The following RYR3 variants were observed in gnomAD, a reference collection of about 807,000 sequenced individuals.
RYR3 encodes brain ryanodine receptor-calcium release channel.
In RYR3, 207 loss-of-function variants were observed where a neutral mutation model predicts 584.3. The observed-to-expected ratio is 0.35, with a 90% CI of 0.32 to 0.40. RYR3 has a LOEUF of 0.40. Among genes scored for constraint, RYR3 ranks in the 10% least tolerant of loss-of-function variants. The pLI is 1.00. For missense variants in RYR3, 5,616 were observed against 6,089.2 expected, an observed-to-expected ratio of 0.92 and a Z score of 2.59; for synonymous variants, 2,416 against 2,248.5, an observed-to-expected ratio of 1.07 and a Z score of -2.11.
At chr15:33,474,052 G>A (rs1304889312) in intron 2 of RYR3, among the ~76,000 whole-genome samples, 1 of 152,202 alleles carries the variant, frequency 6.6e-6, no homozygotes, top group African/African-American at 2.4e-5. Context: ...CGCCTGCATG[G>A]TGGCAATAAT....
rs762086339 is a variant in RYR3 at position 33,696,505 on chromosome 15, G to A, written c.6134+14G>A. The stretch of plus-strand genomic sequence containing the variant: ...CAATGGGCTGGGGTAGGTGATTCAC[G>A]GTTACGTGCTGTTCTCTCTAGGAGC... On this transcript the variant is annotated intron_variant, in intron 39 of 103. Transcript: ENST00000634891. The A allele has an allele frequency of 4.3e-6, 7 of 1,613,242 alleles. No homozygotes were observed. Among genetic ancestry groups the A allele is most frequent in the South Asian group, 2.2e-5 (2 of 90,994 alleles).
At chr15:33,855,455 C>T (rs1234668232) in intron 98 of RYR3, among the ~76,000 whole-genome samples, 4 of 152,228 alleles carry the variant, frequency 2.6e-5, no homozygotes, top group Non-Finnish European at 5.9e-5. Context: ...CCACCCGCCT[C>T]GGCCTCCCGA....
At chr15:33,401,027 T>G (rs1304191288) in intron 1 of RYR3, among the ~76,000 whole-genome samples, 3 of 152,184 alleles carry the variant, frequency 2.0e-5, no homozygotes, top group African/African-American at 7.2e-5. Context: ...AACATATATT[T>G]TCTGGTTACT....
At chr15:33,543,511 C>T (rs2055997729) in intron 7 of RYR3, 111 bp from the exon 8 acceptor site, 1 of 745,186 alleles carries the variant, frequency 1.3e-6, no homozygotes, top group Non-Finnish European at 2.4e-6. Flanking sequence ...ATGTGTCTCT[C>T]TCAGTATTTA....
Position 33,801,723 on chromosome 15 carries a change from A to G in RYR3, c.9919-146A>G. Reference sequence around the variant, plus strand: ...ACATGCCTGACCCCCTCTTCCCATAATGGAATGAATTAGTTTTTCACGTGT... The same window carrying G: ...ACATGCCTGACCCCCTCTTCCCATAGTGGAATGAATTAGTTTTTCACGTGT... On this transcript the variant is annotated intron_variant, in intron 68 of 103. Coordinates refer to ENST00000634891, the MANE Select transcript of RYR3 (RefSeq NM_001036.6). 5.0e-6 allele frequency: 3 copies of G among 603,520 alleles called. No individual in the cohort carries two copies. In the South Asian group the frequency reaches 6.3e-5, roughly 13 times the overall value. The allele number at this position is 603,520 out of a possible 1,614,324, so 37.4% of individuals were successfully genotyped here.
chr15:33,731,526 C>T lies in RYR3; in HGVS notation c.7256C>T (p.Ser2419Phe), dbSNP rs2068952906. ...AALALNRYIC[S>F]AVLPLLTRCA... ...CTTGCACTAAATAGGTATATATGTT[C>T]TGCTGTGCTCCCGCTCCTCACAAGA... The change falls in exon 48 of 104, where the codon TCT (serine) becomes TTT (phenylalanine). Residue 2419 changes from serine to phenylalanine, a missense_variant. By Grantham distance (155) the Ser-to-Phe change is radical. This residue lies in a region of RYR3 where 1,280 missense variants were observed against 1,426.2 expected (regional missense o/e 0.90). Transcript: ENST00000634891. 1.2e-6 allele frequency: 2 copies of T among 1,613,802 alleles called. No homozygotes were observed. The highest frequency in any genetic ancestry group is 2.2e-5 in the East Asian group (1 of 44,874).
chr15:33,477,985 A>C (rs184577523), intron 2 of RYR3, among the ~76,000 whole-genome samples: 136 of 149,686 alleles, frequency 9.1e-4, no homozygotes, highest in African/African-American at 3.1e-3. Context: ...GCAAATGTTT[A>C]TTTACTTTCC....
At chr15:33,420,794 G>A (rs1367978596) in intron 1 of RYR3, among the ~76,000 whole-genome samples, 4 of 152,030 alleles carry the variant, frequency 2.6e-5, no homozygotes, top group African/African-American at 4.8e-5. Flanking sequence ...GAAATATGCA[G>A]ATATGGAAGT....
intron 75 of RYR3, 72 bp from the exon 76 acceptor site, chr15:33,818,505 CT>C (rs1292407975): frequency 1.8e-6 from 2 of 1,122,786 alleles, no homozygotes; most frequent in Non-Finnish European, 2.7e-6. Flanking sequence ...TTTACCTTCT[CT>C]TTGTTCGCAT....
chr15:33,669,577 T>A, intron 37 of RYR3, 121 bp downstream of exon 37: 1 of 794,184 alleles, frequency 1.3e-6, no homozygotes, highest in Non-Finnish European at 2.1e-6. Context: ...TGCAATACTG[T>A]CTTTCAAGAC....
chr15:33,311,200 G>T lies in RYR3; in HGVS notation c.51+104G>T. On this transcript the variant is annotated intron_variant, in intron 1 of 103. Transcript: ENST00000634891. The surrounding 1 kb of genome is among the most constrained non-coding windows in gnomAD (Gnocchi z 4.4). ...TGCGCCGCGGTGCCGGGTGCCCGGT[G>T]CCGGGCGCTTTCTCCGCACCCGCGG... 1 of 890,174 alleles carries T rather than the reference G, an allele frequency of 1.1e-6. No homozygotes were observed. 55.1% of individuals were successfully genotyped at this position (890,174 alleles called of 1,614,324 possible).
At chr15:33,618,641 C>T (rs908745621) in intron 19 of RYR3, among the ~76,000 whole-genome samples, 9 of 152,252 alleles carry the variant, frequency 5.9e-5, no homozygotes, top group South Asian at 2.1e-4. Flanking sequence ...CTCTTAACCA[C>T]AGCTTGTATC....
At chr15:33,672,956 C>T (rs528468820) in intron 38 of RYR3, among the ~76,000 whole-genome samples, 4 of 152,296 alleles carry the variant, frequency 2.6e-5, no homozygotes, top group East Asian at 1.9e-4. Flanking sequence ...GTCCGGGTGT[C>T]TGATTGTCAC....
chr15:33,772,180 C>T (rs201404868), intron 63 of RYR3, 22 bp downstream of exon 63: 282 of 1,521,098 alleles, frequency 1.9e-4, no homozygotes, highest in Non-Finnish European at 2.0e-4. Flanking sequence ...TGGTATTTGT[C>T]GTGGATGTAT....
At chr15:33,831,582 C>T (rs902820819) in intron 86 of RYR3, among the ~76,000 whole-genome samples, 1 of 152,184 alleles carries the variant, frequency 6.6e-6, no homozygotes, top group East Asian at 1.9e-4. Context: ...ACTTCAGAAG[C>T]GCACAAACTA....
chr15:33,487,497 A>G (rs1221109960), intron 2 of RYR3, among the ~76,000 whole-genome samples: 2 of 152,134 alleles, frequency 1.3e-5, no homozygotes, highest in Non-Finnish European at 1.5e-5. Flanking sequence ...TGTTTGACCT[A>G]GACATTCTTT....
intron 1 of RYR3, among the ~76,000 whole-genome samples, chr15:33,453,059 T>G (rs1329487607): frequency 4.6e-5 from 3 of 65,638 alleles, no homozygotes; most frequent in African/African-American, 1.5e-4. Context: ...CACTTGAAAC[T>G]AGGGTTTTTT....
chr15:33,371,780 T>G (rs995869032), intron 1 of RYR3, among the ~76,000 whole-genome samples: 2 of 152,196 alleles, frequency 1.3e-5, no homozygotes, highest in African/African-American at 4.8e-5. Flanking sequence ...GATGTCTTGC[T>G]GGCTACAACA....
chr15:33,561,911 A>G (rs1355884861), intron 10 of RYR3, among the ~76,000 whole-genome samples: 1 of 152,100 alleles, frequency 6.6e-6, no homozygotes, highest in African/African-American at 2.4e-5. Context: ...AAAAGAAAAA[A>G]AAAAAAGAGA....
Sources: gnomAD v4.1 joint callset for allele counts (sites outside exome capture counted in the v4.1 genomes callset) on GRCh38, gnomAD v4.1.1 for gene constraint, gnomAD v4.1.1 regional missense constraint, Gnocchi (gnomAD v3.1) non-coding constraint, MANE v1.5 for transcripts, NCBI Gene and HGNC (gene_info 2026-07-23, HGNC 2026-07-21) for gene names.